The following MECOM variants were observed in gnomAD, a reference collection of about 807,000 sequenced individuals.
The protein encoded by MECOM is histone-lysine N-methyltransferase MECOM.
MECOM carries 13 observed loss-of-function variants against 116.3 expected under a neutral mutation model. That is an observed-to-expected ratio of 0.11 (90% CI 0.07 to 0.18). The LOEUF is 0.18. MECOM is among the 10% of genes least tolerant of loss of function. The probability of loss-of-function intolerance (pLI) is 1.00; values close to 1 mark genes in which losing one functional copy is unlikely to be tolerated. For missense variants in MECOM, 1,299 were observed against 1,509.0 expected, an observed-to-expected ratio of 0.86 and a Z score of 2.31; for synonymous variants, 528 against 535.2, an observed-to-expected ratio of 0.99 and a Z score of 0.19.
intron 2 of MECOM, among the ~76,000 whole-genome samples, chr3:169,251,616 G>A (rs1293747697): frequency 6.6e-6 from 1 of 152,142 alleles, no homozygotes; most frequent in Non-Finnish European, 1.5e-5. Flanking sequence ...GTAACCCAGT[G>A]GGAGAGGAGC....
chr3:169,121,516 A>G (rs551118584), intron 6 of MECOM, among the ~76,000 whole-genome samples: 35 of 152,342 alleles, frequency 2.3e-4, no homozygotes, highest in African/African-American at 8.2e-4. Flanking sequence ...GTTGAATAAT[A>G]AAATGCTGGT....
intron 1 of MECOM, among the ~76,000 whole-genome samples, chr3:169,653,331 A>G (rs1775145430): frequency 6.6e-6 from 1 of 152,216 alleles, no homozygotes; most frequent in African/African-American, 2.4e-5. Context: ...CAAAACAGAA[A>G]TGGGCTCTCC....
intron 2 of MECOM, among the ~76,000 whole-genome samples, chr3:169,376,778 T>G (rs1160448772): frequency 1.3e-5 from 2 of 152,030 alleles, no homozygotes; most frequent in Non-Finnish European, 2.9e-5. Context: ...GATTCAATGT[T>G]ATCCCATCCA....
At chr3:169,545,394 G>A (rs192046662) in intron 1 of MECOM, among the ~76,000 whole-genome samples, 13 of 152,256 alleles carry the variant, frequency 8.5e-5, no homozygotes, top group Admixed American at 6.5e-4. Context: ...AGCTCCTAAA[G>A]GGAGAATAAG....
At chr3:169,580,336 C>T (rs1034752198) in intron 1 of MECOM, among the ~76,000 whole-genome samples, 1 of 152,108 alleles carries the variant, frequency 6.6e-6, no homozygotes, top group African/African-American at 2.4e-5. Context: ...GAGCAGGGTA[C>T]GCTGTACCCA....
In MECOM at chr3:169,131,441, G is replaced by A; in HGVS notation, c.601C>T (p.Pro201Ser). The A allele has an allele frequency of 6.2e-7, 1 of 1,613,986 alleles. No individual in the cohort carries two copies. The highest frequency in any genetic ancestry group is 8.5e-7 in the Non-Finnish European group (1 of 1,179,958). The change falls in exon 4 of 17, where the codon CCG (proline) becomes TCG (serine). Residue 201 changes from proline (P) to serine (S), a missense_variant. Pro to Ser is a moderately conservative substitution (Grantham distance 74). Transcript: ENST00000651503. ...GAGTGGTACTAACCGTGGATATCCG[G>A]CGCCATAGTTTCATGGGGATAGTCT... The part of the protein sequence containing the change: ...SEDYPHETMA[P>S]DIHEERQYRC...
chr3:169,255,563 C>A (rs962290812), intron 2 of MECOM, among the ~76,000 whole-genome samples: 1 of 152,086 alleles, frequency 6.6e-6, no homozygotes, highest in Non-Finnish European at 1.5e-5. Flanking sequence ...AATACTTTGA[C>A]ATCATTATAA....
In MECOM at chr3:169,097,397, C is replaced by G. The variant is rs140555755; in HGVS notation, c.2850-2152G>C. Among the ~76,000 whole-genome samples, 119 of 152,130 alleles carry G rather than the reference C, an allele frequency of 7.8e-4. 1 individual carries two copies. Among genetic ancestry groups the G allele is most frequent in the African/African-American group, 2.7e-3 (112 of 41,512 alleles). On this transcript the variant is annotated intron_variant, in intron 12 of 16. Coordinates refer to ENST00000651503, the MANE Select transcript of MECOM (RefSeq NM_004991.4). ...TCCTTCTACACAATTCCAATAAGAG[C>G]CTAAGTTTTAGAAATTCTTAAAACG...
At chr3:169,587,448 C>T (rs930071527) in intron 1 of MECOM, among the ~76,000 whole-genome samples, 19 of 151,278 alleles carry the variant, frequency 1.3e-4, no homozygotes, top group African/African-American at 4.6e-4. Context: ...CACACACACA[C>T]ACACACACAC....
Position 169,229,489 on chromosome 3 carries a change from G to T in MECOM, c.376-85657C>A, listed in dbSNP as rs571390979. Among the ~76,000 whole-genome samples, 6 of 152,274 alleles carry T rather than the reference G, an allele frequency of 3.9e-5. No homozygotes were observed. The East Asian group carries it at 1.2e-3, about 29-fold the overall frequency. ...ATCTTAAATCCATGGAGGGGCCGAG[G>T]TTACTATCCTGGGTCAGTGATGGTC... On this transcript the variant is annotated intron_variant, in intron 2 of 16. Transcript: ENST00000651503.
intron 14 of MECOM, among the ~76,000 whole-genome samples, chr3:169,092,033 T>C (rs994462386): frequency 6.6e-6 from 1 of 152,164 alleles, no homozygotes. Flanking sequence ...AATAGATATT[T>C]AATTATAGCT....
intron 2 of MECOM, among the ~76,000 whole-genome samples, chr3:169,252,593 T>G (rs1382118068): frequency 6.6e-6 from 1 of 151,970 alleles, no homozygotes; most frequent in African/African-American, 2.4e-5. Context: ...GAATTAAAAA[T>G]GCAATCAAGT....
chr3:169,446,369 C>T (rs527350509), intron 1 of MECOM, among the ~76,000 whole-genome samples: 5 of 152,090 alleles, frequency 3.3e-5, no homozygotes, highest in South Asian at 4.1e-4. Flanking sequence ...CAGGAGTTTC[C>T]GCTTTTGCTT....
At chr3:169,592,137 G>A (rs765887291) in intron 1 of MECOM, among the ~76,000 whole-genome samples, 1 of 152,154 alleles carries the variant, frequency 6.6e-6, no homozygotes, top group Non-Finnish European at 1.5e-5. Flanking sequence ...AAACTTCAGA[G>A]TCACACTGCC....
chr3:169,402,249 T>A (rs748219879), intron 1 of MECOM, among the ~76,000 whole-genome samples: 7 of 152,248 alleles, frequency 4.6e-5, no homozygotes, highest in Non-Finnish European at 1.0e-4. Flanking sequence ...GGGACACATA[T>A]GGGGGCTGAG....
chr3:169,287,361 A>C lies in MECOM; in HGVS notation c.375+93826T>G, dbSNP rs183460143. ...CAGCTCAGTAATAAGATACACAACA[A>C]ATAATGTTTTTTTTGTTTTGCTGGA... On this transcript the variant is annotated intron_variant, in intron 2 of 16. Coordinates refer to ENST00000651503, the MANE Select transcript of MECOM (RefSeq NM_004991.4). 1.3e-3 allele frequency among the ~76,000 whole-genome samples: 184 copies of C among 144,298 alleles called. 1 individual carries two copies. Among genetic ancestry groups the C allele is most frequent in the Middle Eastern group, 0.01 (3 of 294 alleles). 94.7% of individuals were successfully genotyped at this position (144,298 alleles called of 152,430 possible).
intron 1 of MECOM, chr3:169,472,871 G>T: frequency 5.3e-6 from 3 of 562,020 alleles, no homozygotes; most frequent in Non-Finnish European, 6.8e-6. Flanking sequence ...AGGTCTTAAT[G>T]ACTGCTTACT....
chr3:169,485,971 TAC>T (rs201843192), intron 1 of MECOM, among the ~76,000 whole-genome samples: 4,319 of 64,050 alleles, frequency 0.067, 216 homozygotes, highest in East Asian at 0.32. Context: ...ATACTATATA[TAC>T]ATATATATAT....
intron 2 of MECOM, among the ~76,000 whole-genome samples, chr3:169,322,735 T>A (rs899269743): frequency 1.3e-5 from 2 of 152,002 alleles, no homozygotes; most frequent in African/African-American, 4.8e-5. Flanking sequence ...CAGTGGCTCA[T>A]GCCTGTAATC....
Sources: gnomAD v4.1 joint callset for allele counts (sites outside exome capture counted in the v4.1 genomes callset) on GRCh38, gnomAD v4.1.1 for gene constraint, MANE v1.5 for transcripts, NCBI Gene and HGNC (gene_info 2026-07-23, HGNC 2026-07-21) for gene names.